The following SCGB2B2 variants were observed in gnomAD, a reference collection of about 807,000 sequenced individuals.
SCGB2B2 encodes secretoglobin family 2B member 2.
SCGB2B2 carries 11 observed loss-of-function variants against 7.6 expected under a neutral mutation model. That is an observed-to-expected ratio of 1.45 (90% CI 0.91 to 2.40). The LOEUF is 2.40. Ranked by LOEUF, SCGB2B2 falls within the 30% of genes most tolerant of loss-of-function variation. The pLI, the probability that SCGB2B2 is intolerant of heterozygous loss-of-function variation, is 0.00. For missense variants in SCGB2B2, 104 were observed against 115.4 expected (o/e 0.90, Z 0.45); for synonymous variants, 50 against 48.6 (o/e 1.03, Z -0.12).
chr19:34,642,652 TTGCAG>T (rs2066876221), intron 1 of SCGB2B2, among the ~76,000 whole-genome samples: 1 of 128,550 alleles, frequency 7.8e-6, no homozygotes, highest in Non-Finnish European at 1.5e-5. Flanking sequence ...GAGGTGGAGG[TTGCAG>T]TGAGTCGAGA....
chr19:34,596,818 CAG>C (rs1226988068), intron 1 of SCGB2B2, among the ~76,000 whole-genome samples: 1 of 151,940 alleles, frequency 6.6e-6, no homozygotes, highest in Non-Finnish European at 1.5e-5. Flanking sequence ...GGCTGAGCAG[CAG>C]AGTCAGGGAA....
At chr19:34,644,920 T>C (rs1438638089) in intron 1 of SCGB2B2, among the ~76,000 whole-genome samples, 1 of 152,366 alleles carries the variant, frequency 6.6e-6, no homozygotes, top group Non-Finnish European at 1.5e-5. Context: ...AGGGGCTTTA[T>C]ATAAACTGAA....
intron 1 of SCGB2B2, among the ~76,000 whole-genome samples, chr19:34,616,306 CAG>C (rs1179741131): frequency 6.7e-6 from 1 of 148,786 alleles, no homozygotes; most frequent in Admixed American, 6.7e-5. Flanking sequence ...GTCCCACCGA[CAG>C]GGTAAAAGTG....
intron 1 of SCGB2B2, among the ~76,000 whole-genome samples, chr19:34,605,889 C>T (rs533521472): frequency 6.6e-5 from 10 of 152,184 alleles, no homozygotes; most frequent in South Asian, 4.1e-4. Context: ...CCACTGCACC[C>T]GGCTAATCTT....
intron 1 of SCGB2B2, among the ~76,000 whole-genome samples, chr19:34,606,991 C>G (rs2065799593): frequency 6.6e-6 from 1 of 152,198 alleles, no homozygotes; most frequent in Non-Finnish European, 1.5e-5. Context: ...AGCTCACTTA[C>G]CTTGCATAGC....
intron 1 of SCGB2B2, among the ~76,000 whole-genome samples, chr19:34,622,965 A>G (rs190786762): frequency 6.6e-6 from 1 of 150,884 alleles, no homozygotes; most frequent in Non-Finnish European, 1.5e-5. Context: ...GTAGTAGTTA[A>G]TAGGTTTGGC....
chr19:34,599,548 G>A (rs368615096), intron 1 of SCGB2B2, among the ~76,000 whole-genome samples: 4 of 152,160 alleles, frequency 2.6e-5, no homozygotes, highest in African/African-American at 4.8e-5. Context: ...ATCAGATCTC[G>A]TGAGACTTAT....
intron 1 of SCGB2B2, among the ~76,000 whole-genome samples, chr19:34,604,884 T>C (rs964108674): frequency 1.3e-5 from 2 of 152,228 alleles, no homozygotes; most frequent in Non-Finnish European, 2.9e-5. Flanking sequence ...ATAAATGACA[T>C]ATAAGAAGCA....
At chr19:34,657,399 G>C (rs1033045139) in intron 1 of SCGB2B2, among the ~76,000 whole-genome samples, 2 of 151,144 alleles carry the variant, frequency 1.3e-5, no homozygotes, top group African/African-American at 4.9e-5. Context: ...TAAAGGGATG[G>C]AGGAAGATCT....
chr19:34,666,361 G>A (rs563825317), intron 1 of SCGB2B2, among the ~76,000 whole-genome samples: 13 of 152,146 alleles, frequency 8.5e-5, no homozygotes, highest in African/African-American at 3.1e-4. Context: ...TCCCGACAGC[G>A]CATTCTACTC....
At chr19:34,638,185 C>A (rs1026676363) in intron 1 of SCGB2B2, 4 of 152,238 alleles carry the variant, frequency 2.6e-5, no homozygotes, top group Non-Finnish European at 5.9e-5. Context: ...CAGTGGCTCA[C>A]GCCTGCAATC....
chr19:34,617,300 A>T (rs1173931987), intron 1 of SCGB2B2, among the ~76,000 whole-genome samples: 1 of 150,748 alleles, frequency 6.6e-6, no homozygotes, highest in Non-Finnish European at 1.5e-5. Flanking sequence ...CACGACATTG[A>T]TTCTTCCTAC....
intron 1 of SCGB2B2, among the ~76,000 whole-genome samples, chr19:34,607,939 A>G (rs896055958): frequency 6.6e-6 from 1 of 151,650 alleles, no homozygotes; most frequent in Non-Finnish European, 1.5e-5. Context: ...TGGCTTTTTG[A>G]GCTTTTTTGT....
At chr19:34,655,613 A>G (rs1164384383) in intron 1 of SCGB2B2, among the ~76,000 whole-genome samples, 1 of 151,240 alleles carries the variant, frequency 6.6e-6, no homozygotes, top group East Asian at 1.9e-4. Context: ...GGCACATGTC[A>G]TCAGGACCTC....
intron 1 of SCGB2B2, among the ~76,000 whole-genome samples, chr19:34,649,241 A>G (rs2067101065): frequency 6.6e-6 from 1 of 152,190 alleles, no homozygotes; most frequent in Non-Finnish European, 1.5e-5. Flanking sequence ...ACTGTATGTA[A>G]AAGTTCCGGA....
chr19:34,662,798 G>T (rs939671867), intron 1 of SCGB2B2, among the ~76,000 whole-genome samples: 1 of 152,052 alleles, frequency 6.6e-6, no homozygotes, highest in African/African-American at 2.4e-5. Context: ...AGGCACAGTG[G>T]TATGTGCCTG....
chr19:34,661,701 G>A (rs950584922), intron 1 of SCGB2B2, among the ~76,000 whole-genome samples: 1 of 152,188 alleles, frequency 6.6e-6, no homozygotes, highest in African/African-American at 2.4e-5. Flanking sequence ...AATGGAATAA[G>A]GGCCATCTTC....
At chr19:34,620,664 T>C (rs2066217759) in intron 1 of SCGB2B2, among the ~76,000 whole-genome samples, 1 of 152,178 alleles carries the variant, frequency 6.6e-6, no homozygotes, top group Non-Finnish European at 1.5e-5. Context: ...TTAAAGTATA[T>C]ATTTTAAAAA....
intron 1 of SCGB2B2, among the ~76,000 whole-genome samples, chr19:34,664,990 AG>A (rs1048954193): frequency 6.6e-6 from 1 of 152,162 alleles, no homozygotes; most frequent in Non-Finnish European, 1.5e-5. Context: ...TGTTTGGCAC[AG>A]GGGACGCCCC....
Sources: allele counts gnomAD v4.1 joint callset (sites outside exome capture counted in the v4.1 genomes callset), GRCh38; gene constraint gnomAD v4.1.1; transcripts MANE v1.5; gene names NCBI Gene and HGNC (gene_info 2026-07-23, HGNC 2026-07-21).